The following CRB1 variants were observed in gnomAD, a reference collection of about 807,000 sequenced individuals.
CRB1 encodes the protein crumbs cell polarity complex component 1, also known as protein crumbs homolog 1.
CRB1 carries 83 observed loss-of-function variants against 120.0 expected under a neutral mutation model. The observed-to-expected ratio is 0.69, with a 90% CI of 0.58 to 0.83. The LOEUF is 0.83. CRB1 is among the 40% of genes least tolerant of loss of function. CRB1 has a pLI of 0.00. For synonymous variants in CRB1, 625 were observed against 612.5 expected (o/e 1.02, Z -0.30); for missense variants, 1,699 against 1,687.6 (o/e 1.01, Z -0.12).
chr1:197,427,371 A>G, intron 6 of CRB1, 83 bp from the exon 7 acceptor site: 1 of 1,135,960 alleles, frequency 8.8e-7, no homozygotes, highest in Non-Finnish European at 1.3e-6. Context: ...GAAATGTATA[A>G]TTTTCGTCTT....
chr1:197,373,487 C>T (rs1313648268), intron 5 of CRB1, among the ~76,000 whole-genome samples: 1 of 152,136 alleles, frequency 6.6e-6, no homozygotes, highest in Non-Finnish European at 1.5e-5. Flanking sequence ...CATAAATGGT[C>T]AAGGCATAAT....
At chr1:197,465,542 T>G (rs941161987) in intron 11 of CRB1, among the ~76,000 whole-genome samples, 1 of 152,190 alleles carries the variant, frequency 6.6e-6, no homozygotes, top group Non-Finnish European at 1.5e-5. Flanking sequence ...TTGCTGGTTG[T>G]CAGGTTGCTT....
chr1:197,209,744 A>G, the CRB1 span, among the ~76,000 whole-genome samples: 2 of 152,204 alleles, frequency 1.3e-5, no homozygotes, highest in East Asian at 3.9e-4. Flanking sequence ...AAGAATGCGC[A>G]TAGGGCTCTT....
chr1:197,348,538 G>A (rs74802083), intron 4 of CRB1, among the ~76,000 whole-genome samples: 4,812 of 152,262 alleles, frequency 0.032, 141 homozygotes, highest in East Asian at 0.085. Flanking sequence ...ATGCAGTGGT[G>A]TGATCTCCGC....
chr1:197,320,568 A>G (rs1558051601), intron 1 of CRB1, among the ~76,000 whole-genome samples: 1 of 152,220 alleles, frequency 6.6e-6, no homozygotes, highest in Non-Finnish European at 1.5e-5. Context: ...AATGTGGTAC[A>G]GGAGTAGATG....
upstream of CRB1, among the ~76,000 whole-genome samples, chr1:197,263,782 T>TA (rs974969812): frequency 1.3e-5 from 2 of 151,886 alleles, no homozygotes; most frequent in East Asian, 1.9e-4. Flanking sequence ...TGATCTATTC[T>TA]AAAAAAAACT....
At chr1:197,304,837 A>C (rs1657071976) in intron 1 of CRB1, among the ~76,000 whole-genome samples, 1 of 152,190 alleles carries the variant, frequency 6.6e-6, no homozygotes, top group African/African-American at 2.4e-5. Flanking sequence ...CCCATTCACC[A>C]GTGTTCATTC....
At chr1:197,343,121 G>A (rs1194606970) in intron 2 of CRB1, among the ~76,000 whole-genome samples, 1 of 152,116 alleles carries the variant, frequency 6.6e-6, no homozygotes, top group African/African-American at 2.4e-5. Context: ...GTTGAATCTA[G>A]TAACAGTTGT....
upstream of CRB1, chr1:197,268,128 G>A (rs948555137): frequency 2.8e-5 from 11 of 386,260 alleles, no homozygotes; most frequent in Non-Finnish European, 5.4e-5. Flanking sequence ...AAGAAAACTC[G>A]CAGCAAAGGC....
At chr1:197,437,357 C>A (rs944540477) in intron 9 of CRB1, among the ~76,000 whole-genome samples, 1 of 152,050 alleles carries the variant, frequency 6.6e-6, no homozygotes, top group Non-Finnish European at 1.5e-5. Flanking sequence ...AGGTAACCTG[C>A]CTGTTTAAAA....
At chr1:197,353,378 T>C (rs531681106) in intron 4 of CRB1, among the ~76,000 whole-genome samples, 2 of 152,338 alleles carry the variant, frequency 1.3e-5, no homozygotes, top group East Asian at 3.9e-4. Flanking sequence ...TGTTGAATGA[T>C]TTTAAAGTAA....
At chr1:197,366,720 A>T (rs547414158) in intron 5 of CRB1, among the ~76,000 whole-genome samples, 44 of 152,308 alleles carry the variant, frequency 2.9e-4, no homozygotes, top group African/African-American at 1.0e-3. Flanking sequence ...CTGAAGGAGG[A>T]TTAACTTTTA....
At chr1:197,405,056 C>A (rs1237602354) in intron 5 of CRB1, among the ~76,000 whole-genome samples, 2 of 151,872 alleles carry the variant, frequency 1.3e-5, no homozygotes, top group South Asian at 2.1e-4. Flanking sequence ...CCCTCTCCCT[C>A]TCCCTCTCCC....
At chr1:197,464,621 T>A (rs1453227180) in intron 11 of CRB1, among the ~76,000 whole-genome samples, 1 of 152,108 alleles carries the variant, frequency 6.6e-6, no homozygotes, top group African/African-American at 2.4e-5. Flanking sequence ...AAAATAAAAT[T>A]TCCCTGTTTC....
chr1:197,209,579 C>T, the CRB1 span, among the ~76,000 whole-genome samples: 6 of 152,102 alleles, frequency 3.9e-5, no homozygotes, highest in African/African-American at 1.2e-4. Context: ...AACTTCTTAC[C>T]TCAGGTTGTA....
chr1:197,260,703 T>TG, the CRB1 span, among the ~76,000 whole-genome samples: 1 of 151,798 alleles, frequency 6.6e-6, no homozygotes, highest in African/African-American at 2.4e-5. Flanking sequence ...TAACTAATTT[T>TG]TTTTTTTTTT....
chr1:197,213,308 G>A, the CRB1 span, among the ~76,000 whole-genome samples: 1 of 152,210 alleles, frequency 6.6e-6, no homozygotes, highest in Non-Finnish European at 1.5e-5. Context: ...CTGTGTGTAA[G>A]GAATTGTGTT....
chr1:197,230,545 CTA>C, the CRB1 span, among the ~76,000 whole-genome samples: 2 of 152,048 alleles, frequency 1.3e-5, no homozygotes, highest in Admixed American at 1.3e-4. Flanking sequence ...GAAATAATCA[CTA>C]TGTGGCAAAT....
At chr1:197,235,707 T>A in the CRB1 span, among the ~76,000 whole-genome samples, 1 of 152,206 alleles carries the variant, frequency 6.6e-6, no homozygotes, top group Non-Finnish European at 1.5e-5. Flanking sequence ...GGTGGTTGTG[T>A]TAAGTACCTA....
Sources: gnomAD v4.1 joint callset for allele counts (sites outside exome capture counted in the v4.1 genomes callset) on GRCh38, gnomAD v4.1.1 for gene constraint, MANE v1.5 for transcripts, NCBI Gene and HGNC (gene_info 2026-07-23, HGNC 2026-07-21) for gene names.